The following ARMC6 variants were observed in gnomAD, a reference collection of about 807,000 sequenced individuals.
ARMC6 encodes armadillo repeat-containing protein 6.
ARMC6 carries 43 observed loss-of-function variants against 49.2 expected under a neutral mutation model. The ratio of observed to expected loss-of-function variants is 0.87; its 90% CI spans 0.69 to 1.13. The LOEUF (loss-of-function observed/expected upper bound fraction) is 1.13. ARMC6 is among the 50% of genes most tolerant of loss of function. The pLI, the probability that ARMC6 is intolerant of heterozygous loss-of-function variation, is 0.00. For missense variants in ARMC6, 627 were observed against 682.0 expected, an observed-to-expected ratio of 0.92 and a Z score of 0.90; for synonymous variants, 262 against 289.6, an observed-to-expected ratio of 0.90 and a Z score of 0.97.
At chr19:19,054,482 A>G (rs551584048) in intron 6 of ARMC6, among the ~76,000 whole-genome samples, 161 bp downstream of exon 6, 16 of 152,260 alleles carry the variant, frequency 1.1e-4, no homozygotes, top group African/African-American at 3.9e-4. Flanking sequence ...CGGGGGGGAA[A>G]CAAACCCACC....
In ARMC6 at chr19:19,034,160, C is replaced by T. The variant is rs770618579; in HGVS notation, c.-50C>T. 19 of 1,388,858 alleles carry T rather than the reference C, an allele frequency of 1.4e-5. No individual in the cohort carries two copies. The highest frequency in any genetic ancestry group is 2.3e-5 in the East Asian group (1 of 43,530). 86.0% of individuals were successfully genotyped at this position (1,388,858 alleles called of 1,614,324 possible). On this transcript the variant is annotated 5_prime_UTR_variant, in exon 2 of 9. Transcript: ENST00000535612. ...TGTGCACTGAGTGCCTGCTGCGTGT[C>T]GGGCCCCGTCCTAGGCAGTGGGGAC...
At chr19:19,034,030 G>GGAA (rs1161453039) in intron 1 of ARMC6, 100 bp downstream of exon 1, 1 of 516,940 alleles carries the variant, frequency 1.9e-6, no homozygotes, top group African/African-American at 2.0e-5. Context: ...GGTTTGGGGG[G>GGAA]AAAAAAAAAA....
intron 1 of ARMC6, 31 bp downstream of exon 1, chr19:19,033,961 C>T (rs908166740): frequency 9.6e-6 from 5 of 520,328 alleles, no homozygotes; most frequent in Admixed American, 3.3e-5. Flanking sequence ...AGGCCTGTCC[C>T]GCGCGGAGTG....
In ARMC6 at chr19:19,033,629, G is replaced by A; in HGVS notation, c.-381G>A. On this transcript the variant is annotated 5_prime_UTR_variant, in exon 1 of 9. Transcript: ENST00000535612. ...CGGCCCGGCTCTCTTGCGCAAGCGC[G>A]CTGTCCGCTTCTTCTGGGCGGACGC... The A allele has an allele frequency of 1.8e-6, 2 of 1,140,772 alleles. No homozygotes were observed. The highest frequency in any genetic ancestry group is 2.2e-6 in the Non-Finnish European group (2 of 923,916). 70.7% of individuals were successfully genotyped at this position (1,140,772 alleles called of 1,614,324 possible). A position where few individuals can be genotyped will look rare whatever the true frequency, so the allele number is the denominator to read the frequency against.
intron 2 of ARMC6, chr19:19,037,527 T>C (rs2059380505): frequency 1.7e-6 from 1 of 598,610 alleles, no homozygotes; most frequent in South Asian, 1.5e-5. Flanking sequence ...CTCCCACACC[T>C]GGCTAATTTT....
chr19:19,051,595 T>TG, intron 4 of ARMC6, 27 bp from the exon 5 acceptor site: 1 of 1,559,314 alleles, frequency 6.4e-7, no homozygotes, highest in Non-Finnish European at 8.7e-7. Context: ...CCTGAGCTGA[T>TG]GCTGAGGTTT....
rs769362169 is a variant in ARMC6 at position 19,057,448 on chromosome 19, G to C, written c.1326G>C (p.Val442=). 6.2e-7 allele frequency: 1 copy of C among 1,613,766 alleles called. No homozygotes were observed. Among genetic ancestry groups the C allele is most frequent in the Admixed American group, 1.7e-5 (1 of 60,026 alleles). Residue 442 remains valine, a synonymous_variant, in exon 9 of 9, where the codon GTG becomes GTC. Transcript: ENST00000535612. The part of the protein sequence containing the change: ...KQACMLIRNL[V]AHGQAFSKPI... The stretch of plus-strand genomic sequence containing the variant: ...CTTGCATGCTGATCCGAAACCTGGT[G>C]GCCCACGGCCAGGCCTTCTCGAAGC...
intron 2 of ARMC6, among the ~76,000 whole-genome samples, chr19:19,042,430 C>T (rs2059417906): frequency 6.6e-6 from 1 of 150,630 alleles, no homozygotes; most frequent in Non-Finnish European, 1.5e-5. Flanking sequence ...CTCACTGCAG[C>T]CTTGACCTCC....
rs1568493360 is a variant in ARMC6, at chr19:19,049,140, C to T, written c.280-2482C>T. ...TGATCTTAGCTCACTGAAACCTCTG[C>T]TTCCCGGGCTCAAGCAATTCTTCAG... is the stretch of plus-strand genomic sequence containing the variant. On this transcript the variant is annotated intron_variant, in intron 4 of 8. Transcript: ENST00000535612. Among the ~76,000 whole-genome samples, 6 of 150,024 alleles carry T rather than the reference C, an allele frequency of 4.0e-5. No homozygotes were observed. The South Asian group carries it at 1.3e-3, about 32-fold the overall frequency.
chr19:19,045,885 T>C (rs2059446490), intron 4 of ARMC6, among the ~76,000 whole-genome samples: 1 of 152,156 alleles, frequency 6.6e-6, no homozygotes, highest in African/African-American at 2.4e-5. Flanking sequence ...TCTCCTGACC[T>C]CGTGATCCGT....
intron 2 of ARMC6, among the ~76,000 whole-genome samples, chr19:19,036,952 G>A (rs1348323049): frequency 3.3e-5 from 5 of 152,018 alleles, no homozygotes; most frequent in African/African-American, 9.7e-5. Flanking sequence ...ATGGGAGGCC[G>A]AGGCAGGTGG....
intron 4 of ARMC6, among the ~76,000 whole-genome samples, chr19:19,045,332 A>G (rs140783499): frequency 4.1e-4 from 62 of 152,254 alleles, no homozygotes; most frequent in Middle Eastern, 3.4e-3. Flanking sequence ...TTATTTTAAA[A>G]TGAGTTTGTC....
intron 3 of ARMC6, 35 bp from the exon 4 acceptor site, chr19:19,043,957 G>A: frequency 6.3e-7 from 1 of 1,591,466 alleles, no homozygotes; most frequent in Non-Finnish European, 8.6e-7. Flanking sequence ...CTTTCTTTCT[G>A]ACCCCTGTGT....
chr19:19,049,581 A>G (rs10409297), intron 4 of ARMC6, among the ~76,000 whole-genome samples: 4 of 152,334 alleles, frequency 2.6e-5, no homozygotes, highest in African/African-American at 9.6e-5. Context: ...CAGTGTCATT[A>G]AGTACATTCA....
In ARMC6 at chr19:19,054,410, G is replaced by A. The variant is rs2059526147; in HGVS notation, c.1023+89G>A. On this transcript the variant is annotated intron_variant, in intron 6 of 8. Transcript: ENST00000535612. ...TAGTCAGAACAAGCCAGCCCTGCCTGCCAGTGTCGGAACCAAAGTGCAGTT... is the reference window on the plus strand; with the variant it reads ...TAGTCAGAACAAGCCAGCCCTGCCTACCAGTGTCGGAACCAAAGTGCAGTT... 4 of 1,324,170 alleles carry A rather than the reference G, an allele frequency of 3.0e-6. No homozygotes were observed. The South Asian group carries it at 5.6e-5, about 18-fold the overall frequency. The allele number at this position is 1,324,170 out of a possible 1,614,324, so 82.0% of individuals were successfully genotyped here.
At chr19:19,049,269 T>C (rs2059477345) in intron 4 of ARMC6, among the ~76,000 whole-genome samples, 1 of 152,048 alleles carries the variant, frequency 6.6e-6, no homozygotes, top group Non-Finnish European at 1.5e-5. Context: ...CCCAGGCTGG[T>C]CTTGAACTCC....
rs1292212715 is a variant in ARMC6 at position 19,055,360 on chromosome 19, C to T, written c.1119C>T (p.Ile373=). The T allele has an allele frequency of 3.1e-6, 5 of 1,612,756 alleles. No homozygotes were observed. The highest frequency in any genetic ancestry group is 1.3e-5 in the African/African-American group (1 of 74,896). The change falls in exon 7 of 9, where the codon ATC becomes ATT. Residue 373 remains isoleucine (I), a synonymous_variant. Coordinates refer to ENST00000535612, the MANE Select transcript of ARMC6 (RefSeq NM_001199196.2). The surrounding 1 kb of genome is among the most constrained non-coding windows in gnomAD (Gnocchi z 5.7). ...TCCGTGCTGGTGGGACGGAGTCCAT[C>T]GTGGCTGCTATGACCCAGCATCTGA... is the stretch of plus-strand genomic sequence containing the variant. ...AIVRAGGTES[I]VAAMTQHLTS...
intron 2 of ARMC6, among the ~76,000 whole-genome samples, chr19:19,038,921 A>ACACG (rs1168957976): frequency 6.7e-6 from 1 of 150,356 alleles, no homozygotes; most frequent in Admixed American, 6.6e-5. Context: ...ACACACACAC[A>ACACG]CACACATTTT....
intron 2 of ARMC6, among the ~76,000 whole-genome samples, chr19:19,042,158 A>G (rs540592139): frequency 6.6e-6 from 1 of 152,216 alleles, no homozygotes; most frequent in South Asian, 2.1e-4. Flanking sequence ...CAGCTTCCCA[A>G]AGTGTTGGGA....
Sources: gnomAD v4.1 joint callset for allele counts (sites outside exome capture counted in the v4.1 genomes callset) on GRCh38, gnomAD v4.1.1 for gene constraint, Gnocchi (gnomAD v3.1) non-coding constraint, MANE v1.5 for transcripts, NCBI Gene and HGNC (gene_info 2026-07-23, HGNC 2026-07-21) for gene names.